The following SHC3 variants were observed in gnomAD, a reference collection of about 807,000 sequenced individuals.
SHC3 encodes the protein SHC-transforming protein 3.
Under a neutral mutation model 60.4 loss-of-function variants are expected in SHC3, and 15 were observed. That is an observed-to-expected ratio of 0.25 (90% CI 0.17 to 0.38). SHC3 has a LOEUF of 0.38. Ranked by LOEUF, SHC3 falls within the 10% of genes least tolerant of loss-of-function variation. SHC3 has a pLI of 1.00. For missense variants in SHC3, 677 were observed against 786.1 expected, an observed-to-expected ratio of 0.86 and a Z score of 1.66; for synonymous variants, 294 against 325.9, an observed-to-expected ratio of 0.90 and a Z score of 1.05.
intron 6 of SHC3, among the ~76,000 whole-genome samples, chr9:89,053,737 T>C (rs989352383): frequency 5.3e-5 from 8 of 152,234 alleles, no homozygotes; most frequent in East Asian, 1.9e-4. Flanking sequence ...TATTTTAGTA[T>C]TGACATTATT....
intron 2 of SHC3, among the ~76,000 whole-genome samples, chr9:89,106,558 T>C (rs1259569425): frequency 1.3e-5 from 2 of 152,130 alleles, no homozygotes; most frequent in Admixed American, 6.5e-5. Flanking sequence ...AGGCAGTCGG[T>C]GAGCAGACAT....
chr9:89,108,176 C>T (rs776550624), intron 2 of SHC3, among the ~76,000 whole-genome samples: 9 of 152,214 alleles, frequency 5.9e-5, no homozygotes, highest in South Asian at 4.2e-4. Context: ...GTGCACTCTA[C>T]GATGTTCACA....
intron 2 of SHC3, among the ~76,000 whole-genome samples, chr9:89,103,689 G>A (rs80075983): frequency 7.7e-4 from 118 of 152,310 alleles, no homozygotes; most frequent in African/African-American, 2.7e-3. Context: ...GCATTTCCTA[G>A]GCAGCATGTT....
chr9:89,108,977 T>C (rs1235923470), intron 2 of SHC3: 1 of 821,808 alleles, frequency 1.2e-6, no homozygotes, highest in East Asian at 1.2e-4. Flanking sequence ...AACTGGGCAG[T>C]TGTAATAGAA....
At chr9:89,066,425 G>C (rs1376864581) in intron 5 of SHC3, among the ~76,000 whole-genome samples, 2 of 152,160 alleles carry the variant, frequency 1.3e-5, no homozygotes, top group Admixed American at 6.5e-5. Flanking sequence ...CTATTGAGAA[G>C]TCTCATCCTT....
intron 9 of SHC3, among the ~76,000 whole-genome samples, chr9:89,043,712 G>T (rs895883525): frequency 1.3e-5 from 2 of 151,950 alleles, no homozygotes; most frequent in African/African-American, 4.8e-5. Flanking sequence ...AATGCAAGTG[G>T]CATGATCTCG....
At chr9:89,058,389 G>T (rs1460138108) in intron 6 of SHC3, among the ~76,000 whole-genome samples, 1 of 151,202 alleles carries the variant, frequency 6.6e-6, no homozygotes, top group Non-Finnish European at 1.5e-5. Context: ...CATAGGATGT[G>T]GTGGAGGACA....
Position 89,076,182 on chromosome 9 carries a change from C to T in SHC3, c.610-954G>A, listed in dbSNP as rs538840372. ...CCTGGAAGATGAGATTCCCCTTCTT[C>T]GTTCTCAGTTGCCGTCCTAGTTCCT... is the stretch of plus-strand genomic sequence containing the variant. On this transcript the variant is annotated intron_variant, in intron 3 of 11. Coordinates refer to ENST00000375835, the MANE Select transcript of SHC3 (RefSeq NM_016848.6). Among the ~76,000 whole-genome samples, 183 of 152,192 alleles carry T rather than the reference C, an allele frequency of 1.2e-3. 1 individual carries two copies. Among genetic ancestry groups the T allele is most frequent in the African/African-American group, 4.2e-3 (175 of 41,532 alleles).
At chr9:89,071,142 G>T (rs889019266) in intron 5 of SHC3, 57 bp downstream of exon 5, 2 of 1,529,978 alleles carry the variant, frequency 1.3e-6, no homozygotes, top group African/African-American at 1.4e-5. Flanking sequence ...ATTGAAGCAG[G>T]GGTCCCTTCT....
chr9:89,027,196 AAG>A (rs1483113317), intron 11 of SHC3, among the ~76,000 whole-genome samples: 1 of 152,194 alleles, frequency 6.6e-6, no homozygotes, highest in African/African-American at 2.4e-5. Context: ...TTACACAGAA[AAG>A]AGAGGAAACT....
At chr9:89,079,921 G>T (rs1825418626) in intron 2 of SHC3, among the ~76,000 whole-genome samples, 2 of 152,082 alleles carry the variant, frequency 1.3e-5, no homozygotes, top group Non-Finnish European at 2.9e-5. Context: ...TTTCATCACT[G>T]GCATAAATTC....
At chr9:89,092,515 G>A (rs780222510) in intron 2 of SHC3, among the ~76,000 whole-genome samples, 10 of 151,460 alleles carry the variant, frequency 6.6e-5, no homozygotes, top group Middle Eastern at 6.8e-3. Context: ...TACTCGGGAG[G>A]CTGAGGCAGG....
intron 2 of SHC3, among the ~76,000 whole-genome samples, chr9:89,105,451 G>A (rs117606530): frequency 0.03 from 4,637 of 152,176 alleles, 100 homozygotes; most frequent in Middle Eastern, 0.092. Context: ...TGAAATTACC[G>A]TGCTGAACTA....
intron 1 of SHC3, among the ~76,000 whole-genome samples, chr9:89,138,440 A>T (rs1826349387): frequency 6.6e-6 from 1 of 152,196 alleles, no homozygotes; most frequent in Non-Finnish European, 1.5e-5. Context: ...GGCATTCGTG[A>T]ACTGTCATGG....
chr9:89,097,710 C>T lies in SHC3; in HGVS notation c.545+14846G>A, dbSNP rs903277796. Among the ~76,000 whole-genome samples the T allele has an allele frequency of 2.6e-5, 4 of 152,338 alleles. No homozygotes were observed. In the East Asian group the frequency reaches 7.7e-4, roughly 29 times the overall value. On this transcript the variant is annotated intron_variant, in intron 2 of 11. Coordinates refer to ENST00000375835, the MANE Select transcript of SHC3 (RefSeq NM_016848.6). Reference sequence around the variant, plus strand: ...AGCTCCCACAGGCCTTTTCTGAGGGCTGCCTGTCACCTCTGTGGGCCACCA... The same window carrying T: ...AGCTCCCACAGGCCTTTTCTGAGGGTTGCCTGTCACCTCTGTGGGCCACCA...
chr9:89,137,422 A>G (rs1826334483), intron 1 of SHC3, among the ~76,000 whole-genome samples: 1 of 152,198 alleles, frequency 6.6e-6, no homozygotes, highest in Non-Finnish European at 1.5e-5. Flanking sequence ...AGCCTTAGAT[A>G]CACAACTTCC....
intron 11 of SHC3, among the ~76,000 whole-genome samples, chr9:89,015,523 T>C (rs1158980893): frequency 2.6e-5 from 4 of 152,238 alleles, no homozygotes; most frequent in South Asian, 2.1e-4. Context: ...CCAGTTAGCA[T>C]ATTTCAGTAT....
intron 1 of SHC3, among the ~76,000 whole-genome samples, chr9:89,173,540 G>A (rs975215449): frequency 6.6e-6 from 1 of 152,222 alleles, no homozygotes; most frequent in Admixed American, 6.5e-5. Flanking sequence ...AAATGACTGA[G>A]ATAATTGGGT....
rs1825948347 is a variant in SHC3, at chr9:89,006,934, G to A, written c.*6513C>T. On this transcript the variant is annotated 3_prime_UTR_variant, in exon 12 of 12. Coordinates refer to ENST00000375835, the MANE Select transcript of SHC3 (RefSeq NM_016848.6). ...ATGGTAAAAATGATCACATGAGTGG[G>A]AATTCATTACCTCAAAGCTCAGGAC... The A allele has an allele frequency of 6.6e-6, 1 of 152,184 alleles. No individual in the cohort carries two copies. The highest frequency in any genetic ancestry group is 1.5e-5 in the Non-Finnish European group (1 of 68,034). 9.4% of individuals were successfully genotyped at this position (152,184 alleles called of 1,614,324 possible).
Sources: gnomAD v4.1 joint callset for allele counts (sites outside exome capture counted in the v4.1 genomes callset) on GRCh38, gnomAD v4.1.1 for gene constraint, MANE v1.5 for transcripts, NCBI Gene and HGNC (gene_info 2026-07-23, HGNC 2026-07-21) for gene names.